The following LHFPL5 variants were observed in gnomAD, a reference collection of about 807,000 sequenced individuals.
LHFPL5 encodes LHFPL tetraspan subfamily member 5 protein.
A neutral mutation model predicts 18.7 loss-of-function variants in LHFPL5; 12 were observed. The observed-to-expected ratio is 0.64, with a 90% CI of 0.41 to 1.04. The LOEUF is 1.04. Among genes scored for constraint, LHFPL5 ranks in the 50% least tolerant of loss-of-function variants. LHFPL5 has a pLI of 0.00. For missense variants in LHFPL5, 259 were observed against 292.1 expected, an observed-to-expected ratio of 0.89 and a Z score of 0.83; for synonymous variants, 111 against 120.2, an observed-to-expected ratio of 0.92 and a Z score of 0.50.
chr6:35,812,450 C>T (rs1215801608), intron 1 of LHFPL5, among the ~76,000 whole-genome samples: 2 of 152,086 alleles, frequency 1.3e-5, no homozygotes, highest in Admixed American at 6.5e-5. Context: ...CCAGTTGCAT[C>T]CTGGATTATG....
chr6:35,812,884 G>A (rs773418234), intron 1 of LHFPL5, among the ~76,000 whole-genome samples: 35 of 151,998 alleles, frequency 2.3e-4, no homozygotes, highest in East Asian at 1.9e-4. Flanking sequence ...GCAAAACCCC[G>A]TCTCTATGAA....
intron 1 of LHFPL5, among the ~76,000 whole-genome samples, chr6:35,812,616 A>G (rs1462390605): frequency 6.6e-6 from 1 of 152,226 alleles, no homozygotes; most frequent in Non-Finnish European, 1.5e-5. Context: ...TCTCACAGTC[A>G]ACTCTTATGG....
chr6:35,806,148 C>T, intron 1 of LHFPL5, 66 bp downstream of exon 1: 1 of 1,559,318 alleles, frequency 6.4e-7, no homozygotes, highest in Non-Finnish European at 8.7e-7. Context: ...GCTGCACCAT[C>T]CCAGCCTCTG....
chr6:35,822,299 C>G (rs1047793527), intron 3 of LHFPL5, among the ~76,000 whole-genome samples: 1 of 152,084 alleles, frequency 6.6e-6, no homozygotes, highest in Non-Finnish European at 1.5e-5. Flanking sequence ...ATTACTGAAT[C>G]AAAGGGCAAC....
chr6:35,819,868 G>C, intron 3 of LHFPL5: 1 of 272,292 alleles, frequency 3.7e-6, no homozygotes. Flanking sequence ...TAGTAGAAGC[G>C]GGGTTTCACC....
Position 35,814,044 on chromosome 6 carries a change from G to A in LHFPL5, c.413-502G>A, listed in dbSNP as rs796698398. ...ACTCCCAACCTCAGGTGATCTGCCC[G>A]CCTCGACCTCCCAAAGTGCTGGGAT... On this transcript the variant is annotated intron_variant, in intron 1 of 3. Coordinates refer to ENST00000360215, the MANE Select transcript of LHFPL5 (RefSeq NM_182548.4). The surrounding 1 kb of genome is among the most constrained non-coding windows in gnomAD (Gnocchi z 4.2). Among the ~76,000 whole-genome samples the A allele has an allele frequency of 2.6e-5, 4 of 151,862 alleles. No homozygotes were observed. The highest frequency in any genetic ancestry group is 4.2e-4 in the South Asian group (2 of 4,812).
chr6:35,815,284 G>A (rs1042811278), intron 2 of LHFPL5, among the ~76,000 whole-genome samples: 5 of 152,022 alleles, frequency 3.3e-5, no homozygotes, highest in East Asian at 1.9e-4. Flanking sequence ...CGTAATGTTC[G>A]TCCTGTTTCA....
chr6:35,816,713 G>C (rs955043849), intron 2 of LHFPL5, among the ~76,000 whole-genome samples: 1 of 151,392 alleles, frequency 6.6e-6, no homozygotes, highest in African/African-American at 2.4e-5. Context: ...TTGGGAGGCT[G>C]AGGCAGGAGA....
chr6:35,821,320 A>G (rs1416512135), intron 3 of LHFPL5, among the ~76,000 whole-genome samples: 1 of 150,952 alleles, frequency 6.6e-6, no homozygotes, highest in Admixed American at 6.6e-5. Context: ...AAAAAAAAAA[A>G]TGCAGATTCT....
intron 1 of LHFPL5, among the ~76,000 whole-genome samples, chr6:35,809,349 C>T (rs1011176542): frequency 6.6e-6 from 1 of 152,118 alleles, no homozygotes; most frequent in Non-Finnish European, 1.5e-5. Context: ...GCCTGGAGGT[C>T]TGAGATCTGG....
chr6:35,807,667 C>T (rs1561951454), intron 1 of LHFPL5, among the ~76,000 whole-genome samples: 1 of 152,088 alleles, frequency 6.6e-6, no homozygotes, highest in Non-Finnish European at 1.5e-5. Flanking sequence ...GGAGGGGACC[C>T]CAGAGAGCTA....
At chr6:35,822,067 G>C (rs1266025904) in intron 3 of LHFPL5, among the ~76,000 whole-genome samples, 3 of 150,868 alleles carry the variant, frequency 2.0e-5, no homozygotes, top group African/African-American at 7.3e-5. Context: ...TTGTTTGTTT[G>C]TTGAAGAAAC....
chr6:35,814,836 G>A lies in LHFPL5; in HGVS notation c.649+54G>A, dbSNP rs1768731960. ...CCTGCCTGGAGACCCTGGGATGTGG[G>A]TGGGGGTTCATCTTAGCCAGTCCTC... On this transcript the variant is annotated intron_variant, in intron 2 of 3. Transcript: ENST00000360215. This position sits in a 1 kb window ranked among gnomAD's most constrained non-coding sequence, Gnocchi z 4.2. The A allele has an allele frequency of 2.6e-6, 4 of 1,516,412 alleles. No individual in the cohort carries two copies. The Admixed American group carries it at 6.7e-5, about 25-fold the overall frequency. The allele number at this position is 1,516,412 out of a possible 1,614,324, so 93.9% of individuals were successfully genotyped here. A position where few individuals can be genotyped will look rare whatever the true frequency, so the allele number is the denominator to read the frequency against.
chr6:35,821,758 G>A (rs1163069063), intron 3 of LHFPL5, among the ~76,000 whole-genome samples: 1 of 151,642 alleles, frequency 6.6e-6, no homozygotes, highest in Non-Finnish European at 1.5e-5. Context: ...TGGGATTACA[G>A]GCATGAGCCA....
At position 35,814,738 on chromosome 6, in the gene LHFPL5, G is replaced by C. The variant is rs781647481; in HGVS notation, c.605G>C (p.Arg202Pro). 2 of 1,614,084 alleles carry C rather than the reference G, an allele frequency of 1.2e-6. No individual in the cohort carries two copies. The highest frequency in any genetic ancestry group is 1.7e-6 in the Non-Finnish European group (2 of 1,180,018). The change falls in exon 2 of 4, where the codon CGG becomes CCG. Residue 202 changes from arginine (R) to proline (P), a missense_variant. Transcript: ENST00000360215. The surrounding 1 kb of genome is among the most constrained non-coding windows in gnomAD (Gnocchi z 4.2). ...TTCCTGGCCTTCGTGTTGGGCTACC[G>C]GCAGGACAAGCTCCTCCCTGACGAC... The part of the protein sequence containing the change: ...LSFLAFVLGY[R>P]QDKLLPDDYK...
intron 2 of LHFPL5, among the ~76,000 whole-genome samples, chr6:35,815,924 A>C (rs2038961): frequency 0.45 from 67,941 of 151,954 alleles, 16,531 homozygotes; most frequent in African/African-American, 0.64. Flanking sequence ...ATAATCCCAG[A>C]ACTTTGGGAG....
intron 1 of LHFPL5, among the ~76,000 whole-genome samples, chr6:35,806,349 C>T (rs558980107): frequency 7.9e-5 from 12 of 152,286 alleles, no homozygotes; most frequent in African/African-American, 2.9e-4. Flanking sequence ...CCCAGAACCT[C>T]ATCTGTAAGG....
intron 1 of LHFPL5, among the ~76,000 whole-genome samples, chr6:35,806,797 G>A (rs1204777054): frequency 2.6e-5 from 4 of 152,142 alleles, no homozygotes; most frequent in Non-Finnish European, 5.9e-5. Context: ...GGTAGAGGAA[G>A]CTATTTAGGG....
intron 1 of LHFPL5, 109 bp downstream of exon 1, chr6:35,806,191 C>G (rs1456214056): frequency 1.7e-6 from 2 of 1,185,254 alleles, no homozygotes; most frequent in Non-Finnish European, 1.2e-6. Context: ...TAGCTGTTCT[C>G]CTATAGCCCA....
Sources: gnomAD v4.1 joint callset for allele counts (sites outside exome capture counted in the v4.1 genomes callset) on GRCh38, gnomAD v4.1.1 for gene constraint, Gnocchi (gnomAD v3.1) non-coding constraint, MANE v1.5 for transcripts, NCBI Gene and HGNC (gene_info 2026-07-23, HGNC 2026-07-21) for gene names.